The following SLC38A8 variants were observed in gnomAD, a reference collection of about 807,000 sequenced individuals.
SLC38A8 encodes solute carrier family 38 member 8, also known as amino acid transporter SLC38A8.
A neutral mutation model predicts 46.0 loss-of-function variants in SLC38A8; 65 were observed. The observed-to-expected ratio is 1.41, with a 90% CI of 1.16 to 1.74. The LOEUF is 1.74. Among genes scored for constraint, SLC38A8 ranks in the 40% most tolerant of loss-of-function variants. The pLI is 0.00. For synonymous variants in SLC38A8, 447 were observed against 243.7 expected (o/e 1.83, Z -7.77); for missense variants, 998 against 567.9 (o/e 1.76, Z -7.70).
chr16:84,041,523 G>C (rs1163140632), intron 2 of SLC38A8, among the ~76,000 whole-genome samples: 1 of 152,220 alleles, frequency 6.6e-6, no homozygotes, highest in Admixed American at 6.5e-5. Context: ...ATATGGGCCA[G>C]GCTGGTCTCA....
intron 4 of SLC38A8, 75 bp from the exon 5 acceptor site, chr16:84,032,043 C>G (rs2085246623): frequency 7.9e-7 from 1 of 1,273,220 alleles, no homozygotes. Flanking sequence ...GTAGTGGGAT[C>G]TGAATCCCAG....
chr16:84,022,672 T>C lies in SLC38A8; in HGVS notation c.805+103A>G, dbSNP rs557481270. On this transcript the variant is annotated intron_variant, in intron 7 of 10. Coordinates refer to ENST00000299709, the MANE Select transcript of SLC38A8 (RefSeq NM_001080442.3). ...AATAAGATGCTCAAAACATTGAGTA[T>C]TGAGCCCAGCACGTGGTAAACTCTC... The C allele has an allele frequency of 2.6e-4, 223 of 860,174 alleles. 2 individuals are homozygous for C. Among genetic ancestry groups the C allele is most frequent in the African/African-American group, 2.4e-3 (140 of 59,240 alleles). 53.3% of individuals were successfully genotyped at this position (860,174 alleles called of 1,614,324 possible). A position where few individuals can be genotyped will look rare whatever the true frequency, so the allele number is the denominator to read the frequency against.
rs148424835 is a variant in SLC38A8 at position 84,014,127 on chromosome 16, CCT to C, written c.1163-1077_1163-1076del. Among the ~76,000 whole-genome samples the C allele has an allele frequency of 8.6e-3, 1,307 of 151,668 alleles. 27 individuals are homozygous for C. The highest frequency in any genetic ancestry group is 0.028 in the African/African-American group (1,163 of 41,342). ...GCCACACCCCTCACCTCTAAAACCT[CCT>C]CTCAGAGCCTGAGGGAGGAGCTATG... On this transcript the variant is annotated intron_variant, in intron 9 of 10. Transcript: ENST00000299709.
intron 5 of SLC38A8, among the ~76,000 whole-genome samples, chr16:84,031,364 A>C (rs1393317427): frequency 6.6e-6 from 1 of 152,122 alleles, no homozygotes; most frequent in Non-Finnish European, 1.5e-5. Flanking sequence ...TCTAAAAACA[A>C]ATCCTGTCAC....
Position 84,016,549 on chromosome 16 carries a change from T to A in SLC38A8, c.1132A>T (p.Ile378Phe), listed in dbSNP as rs371326803. Residue 378 changes from isoleucine (I) to phenylalanine (F), a missense_variant, in exon 9 of 11, where the codon ATC becomes TTC. By Grantham distance (21) the Ile-to-Phe change is conservative. Coordinates refer to ENST00000299709, the MANE Select transcript of SLC38A8 (RefSeq NM_001080442.3). ...AAGATGAAGATGAAGAAGGAACTGA[T>A]GCCTCCGATGATGCTGACGATCTCG... ...LSEIVSIIGG[I>F]SSFFIFIFPG... 3.1e-6 allele frequency: 5 copies of A among 1,614,086 alleles called. No individual in the cohort carries two copies. Among genetic ancestry groups the A allele is most frequent in the Non-Finnish European group, 2.5e-6 (3 of 1,180,016 alleles).
chr16:84,033,433 G>GGGGC lies in SLC38A8; in HGVS notation c.421_424dup (p.Pro142ArgfsTer65). On this transcript the variant is annotated frameshift_variant, in exon 4 of 11. Transcript: ENST00000299709. LOFTEE classifies it high-confidence loss of function. ...GCGCTGGTCTGCGTACCACGGCTGC[G>GGGGC]GGGCGGGCGGGGTGCCAGACAGGAG... The GGGGC allele has an allele frequency of 6.2e-7, 1 of 1,611,126 alleles. No individual in the cohort carries two copies. The highest frequency in any genetic ancestry group is 1.7e-5 in the Admixed American group (1 of 59,734).
At chr16:84,014,130 C>T (rs926496285) in intron 9 of SLC38A8, among the ~76,000 whole-genome samples, 1 of 149,406 alleles carries the variant, frequency 6.7e-6, no homozygotes, top group African/African-American at 2.6e-5. Context: ...AAAACCTCCT[C>T]TCAGAGCCTG....
At chr16:84,031,747 A>C in intron 5 of SLC38A8, 120 bp downstream of exon 5, 1 of 816,146 alleles carries the variant, frequency 1.2e-6, no homozygotes, top group Admixed American at 2.3e-5. Context: ...AAAGAACTGG[A>C]AGGAAGGAGC....
chr16:84,017,468 G>A (rs2085044418), intron 7 of SLC38A8, among the ~76,000 whole-genome samples, 181 bp from the exon 8 acceptor site: 1 of 152,202 alleles, frequency 6.6e-6, no homozygotes, highest in South Asian at 2.1e-4. Flanking sequence ...CTGTGCTCCA[G>A]GGATTCAAGA....
rs546004435 is a variant in SLC38A8, at chr16:84,017,363, G to A, written c.806-76C>T. On this transcript the variant is annotated intron_variant, in intron 7 of 10. Transcript: ENST00000299709. The stretch of plus-strand genomic sequence containing the variant: ...CCCCTCCCCCACCAACAGACAGACA[G>A]CGCCTGGCTTTACCACCTAAGATTT... 6 of 1,550,498 alleles carry A rather than the reference G, an allele frequency of 3.9e-6. No homozygotes were observed. The East Asian group carries it at 1.1e-4, about 29-fold the overall frequency.
intron 10 of SLC38A8, among the ~76,000 whole-genome samples, chr16:84,010,526 G>C (rs9673448): frequency 0.12 from 18,800 of 151,922 alleles, 2,074 homozygotes; most frequent in African/African-American, 0.3. Flanking sequence ...GGATTCACCT[G>C]AGGTCATGAA....
chr16:84,036,182 CA>C (rs1283799432), intron 3 of SLC38A8, among the ~76,000 whole-genome samples: 5 of 152,230 alleles, frequency 3.3e-5, no homozygotes, highest in African/African-American at 9.6e-5. Flanking sequence ...AAACATCTCA[CA>C]AGTCAAAGAA....
At position 84,009,700 on chromosome 16, in the gene SLC38A8, A is replaced by G. The variant is rs2084932000; in HGVS notation, c.*84T>C. On this transcript the variant is annotated 3_prime_UTR_variant, in exon 11 of 11. Coordinates refer to ENST00000299709, the MANE Select transcript of SLC38A8 (RefSeq NM_001080442.3). ...TCCAGCATCTTTATGAGGAAAAGAA[A>G]TGGCATCGGTCTCCTGGCTGCATAC... The G allele has an allele frequency of 1.7e-6, 2 of 1,161,338 alleles. No homozygotes were observed. The highest frequency in any genetic ancestry group is 5.1e-5 in the Admixed American group (2 of 39,314). 71.9% of individuals were successfully genotyped at this position (1,161,338 alleles called of 1,614,324 possible). A position where few individuals can be genotyped will look rare whatever the true frequency, so the allele number is the denominator to read the frequency against.
At chr16:84,035,692 C>A (rs1184635708) in intron 3 of SLC38A8, among the ~76,000 whole-genome samples, 1 of 151,918 alleles carries the variant, frequency 6.6e-6, no homozygotes, top group Non-Finnish European at 1.5e-5. Context: ...CTTAAGGATG[C>A]TAGAGTGCCT....
At chr16:84,032,472 G>A (rs1356263386) in intron 4 of SLC38A8, among the ~76,000 whole-genome samples, 2 of 152,160 alleles carry the variant, frequency 1.3e-5, no homozygotes, top group Non-Finnish European at 2.9e-5. Flanking sequence ...CAGGTGTGAC[G>A]CCCAGCCCAA....
chr16:84,014,656 C>CCCCT (rs2085003765), intron 9 of SLC38A8, among the ~76,000 whole-genome samples: 1 of 152,252 alleles, frequency 6.6e-6, no homozygotes, highest in Non-Finnish European at 1.5e-5. Flanking sequence ...CTGTTCTCCT[C>CCCCT]CCCTCCCTTC....
chr16:84,013,224 G>T (rs993452101), intron 9 of SLC38A8, among the ~76,000 whole-genome samples, 172 bp from the exon 10 acceptor site: 31 of 152,270 alleles, frequency 2.0e-4, no homozygotes, highest in African/African-American at 7.0e-4. Context: ...GGACGGGGCT[G>T]GAGTCCCAGC....
chr16:84,012,232 A>T (rs992276141), intron 10 of SLC38A8, among the ~76,000 whole-genome samples: 5 of 152,116 alleles, frequency 3.3e-5, no homozygotes, highest in Non-Finnish European at 2.9e-5. Flanking sequence ...GTCACCCAGA[A>T]CCCCAGACTA....
chr16:84,026,576 G>C (rs186272372), intron 6 of SLC38A8, among the ~76,000 whole-genome samples: 1 of 152,210 alleles, frequency 6.6e-6, no homozygotes, highest in Non-Finnish European at 1.5e-5. Flanking sequence ...AGGGCAGGCA[G>C]TACCCAGGAG....
Sources: gnomAD v4.1 joint callset for allele counts (sites outside exome capture counted in the v4.1 genomes callset) on GRCh38, gnomAD v4.1.1 for gene constraint, MANE v1.5 for transcripts, NCBI Gene and HGNC (gene_info 2026-07-23, HGNC 2026-07-21) for gene names.